The following CDK6 variants were observed in gnomAD, a reference collection of about 807,000 sequenced individuals.
The protein encoded by CDK6 is cyclin-dependent kinase 6.
Under a neutral mutation model 37.1 loss-of-function variants are expected in CDK6, and 6 were observed. That is an observed-to-expected ratio of 0.16 (90% CI 0.09 to 0.32). The LOEUF (loss-of-function observed/expected upper bound fraction) is 0.32. CDK6 is among the 10% of genes least tolerant of loss of function. The probability of loss-of-function intolerance (pLI) is 1.00; values close to 1 mark genes in which losing one functional copy is unlikely to be tolerated. For synonymous variants in CDK6, 160 were observed against 161.3 expected, an observed-to-expected ratio of 0.99 and a Z score of 0.06; for missense variants, 224 against 418.9, an observed-to-expected ratio of 0.53 and a Z score of 4.06.
At chr7:92,616,807 G>T (rs981950942) in intron 7 of CDK6, among the ~76,000 whole-genome samples, 1 of 152,134 alleles carries the variant, frequency 6.6e-6, no homozygotes, top group Non-Finnish European at 1.5e-5. Flanking sequence ...CTGGGAAGAG[G>T]GTGGAGAGAA....
chr7:92,640,615 TCTGA>T (rs1796282774), intron 5 of CDK6, among the ~76,000 whole-genome samples: 1 of 152,216 alleles, frequency 6.6e-6, no homozygotes, highest in South Asian at 2.1e-4. Context: ...ACTATTACTT[TCTGA>T]CTGACGACTT....
In CDK6 at chr7:92,608,583, G is replaced by A. The variant is rs1795485529; in HGVS notation, c.*6557C>T. ...AACAAAAACAAAAACTGAGCTTAGC[G>A]CCTGAGAGATGCGGGGTAGACAGCT... On this transcript the variant is annotated 3_prime_UTR_variant, in exon 8 of 8. Coordinates refer to ENST00000424848, the MANE Select transcript of CDK6 (RefSeq NM_001145306.2). The A allele has an allele frequency of 8.6e-6, 2 of 232,084 alleles. No individual in the cohort carries two copies. The highest frequency in any genetic ancestry group is 1.1e-4 in the Admixed American group (2 of 17,732). The allele number at this position is 232,084 out of a possible 1,614,324, so 14.4% of individuals were successfully genotyped here. A position where few individuals can be genotyped will look rare whatever the true frequency, so the allele number is the denominator to read the frequency against.
At chr7:92,672,184 G>GACACACACACACACACACACAGACACAC (rs1175195840) in intron 4 of CDK6, among the ~76,000 whole-genome samples, 3 of 44,140 alleles carry the variant, frequency 6.8e-5, no homozygotes, top group African/African-American at 1.3e-4. Context: ...CACACACACA[G>GACACACACACACACACACACAGACACAC]ACACATACAC....
intron 2 of CDK6, among the ~76,000 whole-genome samples, chr7:92,806,125 C>T (rs1800718705): frequency 6.6e-6 from 1 of 152,012 alleles, no homozygotes; most frequent in Non-Finnish European, 1.5e-5. Flanking sequence ...CCTTTATTTA[C>T]CACAATAAAA....
At position 92,811,053 on chromosome 7, in the gene CDK6, G is replaced by A. The variant is rs995112444; in HGVS notation, c.233+22038C>T. 4.4e-4 allele frequency among the ~76,000 whole-genome samples: 67 copies of A among 151,098 alleles called. 1 individual carries two copies. Among genetic ancestry groups the A allele is most frequent in the African/African-American group, 1.4e-3 (57 of 41,166 alleles). ...GTGACAGAATGAGAACCCCCCCAGC[G>A]CCAAAGAAAAAAAAAGGCAATTATA... On this transcript the variant is annotated intron_variant, in intron 2 of 7. Transcript: ENST00000424848.
intron 4 of CDK6, among the ~76,000 whole-genome samples, chr7:92,709,425 G>A (rs1408269905): frequency 2.6e-5 from 4 of 151,894 alleles, no homozygotes; most frequent in Non-Finnish European, 2.9e-5. Context: ...TAGCTCCCCT[G>A]AGAAGCCTTC....
intron 4 of CDK6, among the ~76,000 whole-genome samples, chr7:92,679,668 G>A: frequency 6.6e-6 from 1 of 152,184 alleles, no homozygotes; most frequent in Admixed American, 6.5e-5. Flanking sequence ...GTTGTGTGAA[G>A]TGAAAATCAA....
chr7:92,663,553 T>A (rs927196355), intron 5 of CDK6, among the ~76,000 whole-genome samples: 10 of 151,652 alleles, frequency 6.6e-5, no homozygotes, highest in Non-Finnish European at 1.5e-4. Context: ...TACAAAAAAT[T>A]AGCTGGGCGT....
intron 4 of CDK6, among the ~76,000 whole-genome samples, chr7:92,673,069 T>A (rs1467730261): frequency 6.6e-6 from 1 of 152,216 alleles, no homozygotes; most frequent in Non-Finnish European, 1.5e-5. Flanking sequence ...CTTGAGATGC[T>A]ACCTCTTGGA....
chr7:92,616,844 G>A (rs1795692068), intron 7 of CDK6, among the ~76,000 whole-genome samples: 1 of 152,148 alleles, frequency 6.6e-6, no homozygotes, highest in Admixed American at 6.5e-5. Context: ...AAATGTGGGG[G>A]TGTGGGAGAA....
In CDK6 at chr7:92,617,923, G is replaced by C. The variant is rs569320002; in HGVS notation, c.834+149C>G. 9 of 637,008 alleles carry C rather than the reference G, an allele frequency of 1.4e-5. No individual in the cohort carries two copies. The East Asian group carries it at 2.8e-4, about 20-fold the overall frequency. The allele number at this position is 637,008 out of a possible 1,614,324, so 39.5% of individuals were successfully genotyped here. On this transcript the variant is annotated intron_variant, in intron 7 of 7. Transcript: ENST00000424848. ...CTACAAGTGTGAAAATGAAACCTCT[G>C]GAGGGACTGTTGCCTCCTGCTCCAT...
At chr7:92,817,720 T>G (rs1353909369) in intron 2 of CDK6, among the ~76,000 whole-genome samples, 1 of 151,858 alleles carries the variant, frequency 6.6e-6, no homozygotes, top group Non-Finnish European at 1.5e-5. Context: ...CTGTCTATTC[T>G]CAGATGATGT....
chr7:92,671,056 C>T (rs549628831), intron 5 of CDK6, among the ~76,000 whole-genome samples: 1 of 152,254 alleles, frequency 6.6e-6, no homozygotes, highest in South Asian at 2.1e-4. Context: ...AGTTTTCATA[C>T]ACTTAACAGC....
chr7:92,766,232 G>T (rs1254318606), intron 3 of CDK6, among the ~76,000 whole-genome samples: 2 of 152,190 alleles, frequency 1.3e-5, no homozygotes, highest in Non-Finnish European at 2.9e-5. Flanking sequence ...GAAGTGGTGT[G>T]TTGAGTTAGG....
chr7:92,636,109 T>C (rs1796164399), intron 5 of CDK6, among the ~76,000 whole-genome samples: 1 of 152,304 alleles, frequency 6.6e-6, no homozygotes. Context: ...CAGGCTGGGG[T>C]GCAGTGAAGT....
Position 92,833,511 on chromosome 7 carries a change from C to G in CDK6, c.-188G>C, listed in dbSNP as rs1288713671. 1 of 565,286 alleles carries G rather than the reference C, an allele frequency of 1.8e-6. No individual in the cohort carries two copies. The highest frequency in any genetic ancestry group is 3.1e-5 in the East Asian group (1 of 31,780). 35.0% of individuals were successfully genotyped at this position (565,286 alleles called of 1,614,324 possible). Reference sequence around the variant, plus strand: ...GCAGAAGCTGGATGGAGAGACCTCCCCGCGGGGCTGGCGTAACCCTGGTGC... The same window carrying G: ...GCAGAAGCTGGATGGAGAGACCTCCGCGCGGGGCTGGCGTAACCCTGGTGC... On this transcript the variant is annotated 5_prime_UTR_variant, in exon 2 of 8. Coordinates refer to ENST00000424848, the MANE Select transcript of CDK6 (RefSeq NM_001145306.2). The surrounding 1 kb of genome is among the most constrained non-coding windows in gnomAD (Gnocchi z 6.1).
chr7:92,686,970 T>C (rs546529655), intron 4 of CDK6, among the ~76,000 whole-genome samples: 1 of 152,294 alleles, frequency 6.6e-6, no homozygotes, highest in Admixed American at 6.5e-5. Context: ...CAAAGGAATG[T>C]TTGTGGTTTT....
intron 5 of CDK6, among the ~76,000 whole-genome samples, chr7:92,644,453 G>A (rs3731341): frequency 1.3e-5 from 2 of 152,168 alleles, no homozygotes; most frequent in Admixed American, 6.5e-5. Context: ...GCAATTTGAT[G>A]TTCTGAGGCC....
intron 5 of CDK6, among the ~76,000 whole-genome samples, chr7:92,634,228 A>C (rs1796119394): frequency 6.6e-6 from 1 of 152,100 alleles, no homozygotes. Context: ...GTGAGAATCT[A>C]ATCAGGTTAC....
Sources: allele counts gnomAD v4.1 joint callset (sites outside exome capture counted in the v4.1 genomes callset), GRCh38; gene constraint gnomAD v4.1.1; non-coding constraint Gnocchi (gnomAD v3.1); transcripts MANE v1.5; gene names NCBI Gene and HGNC (gene_info 2026-07-23, HGNC 2026-07-21).